SYNE3: variants seen among roughly 807,000 people sequenced by gnomAD.
SYNE3 encodes the protein spectrin repeat containing nuclear envelope family member 3, also known as nesprin-3.
SYNE3 carries 100 observed loss-of-function variants against 111.2 expected under a neutral mutation model. That is an observed-to-expected ratio of 0.90 (90% confidence interval 0.77 to 1.06). SYNE3 has a LOEUF of 1.06. Ranked by LOEUF, SYNE3 falls within the 50% of genes least tolerant of loss-of-function variation. SYNE3 has a pLI of 0.00. For missense variants in SYNE3, 1,160 were observed against 1,240.3 expected (o/e 0.94, Z 0.97); for synonymous variants, 547 against 533.9 (o/e 1.02, Z -0.34).
At chr14:95,432,731 A>C (rs1380973940) in intron 16 of SYNE3, among the ~76,000 whole-genome samples, 1 of 151,682 alleles carries the variant, frequency 6.6e-6, no homozygotes, top group Non-Finnish European at 1.5e-5. Flanking sequence ...TGCTCAACTA[A>C]GACACAGGGC....
At position 95,408,128 on chromosome 14, in the gene SYNE3, C is replaced by T. The variant is rs1272090186; in HGVS notation, c.*9698G>A. 6 of 152,140 alleles carry T rather than the reference C, an allele frequency of 3.9e-5. No homozygotes were observed. The highest frequency in any genetic ancestry group is 1.4e-4 in the African/African-American group (6 of 41,426). The allele number at this position is 152,140 out of a possible 1,614,324, so 9.4% of individuals were successfully genotyped here. On this transcript the variant is annotated 3_prime_UTR_variant, in exon 18 of 18. Transcript: ENST00000682763. Reference sequence around the variant, plus strand: ...AGCAGGCCAAACTCACTCTACCCGACCTGCTGCCTCCAGGATGGGTTCTGA... The same window carrying T: ...AGCAGGCCAAACTCACTCTACCCGATCTGCTGCCTCCAGGATGGGTTCTGA...
At chr14:95,496,025 C>T (rs1890077945) in intron 1 of SYNE3, among the ~76,000 whole-genome samples, 1 of 152,222 alleles carries the variant, frequency 6.6e-6, no homozygotes, top group South Asian at 2.1e-4. Context: ...TCTCCCACCT[C>T]TCATTCCACT....
chr14:95,500,858 A>G lies in SYNE3; in HGVS notation c.-15+15738T>C, dbSNP rs1204530683. On this transcript the variant is annotated intron_variant, in intron 1 of 17. Coordinates refer to ENST00000682763, the MANE Select transcript of SYNE3 (RefSeq NM_152592.6). This position sits in a 1 kb window ranked among gnomAD's most constrained non-coding sequence, Gnocchi z 4.7. ...TCAGCACACGAGCCCCATTCTTTGT[A>G]CTCCCAGTGGGGGATCGGGGGCGGT... Among the ~76,000 whole-genome samples, 1 of 152,004 alleles carries G rather than the reference A, an allele frequency of 6.6e-6. No homozygotes were observed. The highest frequency in any genetic ancestry group is 1.5e-5 in the Non-Finnish European group (1 of 67,996).
At chr14:95,495,789 C>T (rs1055181568) in intron 1 of SYNE3, among the ~76,000 whole-genome samples, 1 of 152,238 alleles carries the variant, frequency 6.6e-6, no homozygotes, top group Non-Finnish European at 1.5e-5. Context: ...CCATCTCACA[C>T]CCAACTGACT....
intron 1 of SYNE3, among the ~76,000 whole-genome samples, chr14:95,506,069 A>T (rs1488207563): frequency 6.6e-6 from 1 of 152,224 alleles, no homozygotes; most frequent in Admixed American, 6.5e-5. Context: ...GAACAAGTTA[A>T]AAAAATTTAA....
intron 5 of SYNE3, chr14:95,455,946 T>C (rs10162444): frequency 0.027 from 13,965 of 516,860 alleles, 1,300 homozygotes; most frequent in African/African-American, 0.21. Context: ...TTTCAAGCCA[T>C]TTGATTAAGT....
At chr14:95,492,957 A>G (rs1282263383) in intron 1 of SYNE3, among the ~76,000 whole-genome samples, 2 of 152,188 alleles carry the variant, frequency 1.3e-5, no homozygotes, top group Non-Finnish European at 2.9e-5. Context: ...TCCCAAAACT[A>G]GGAGGGCCAT....
Position 95,436,897 on chromosome 14 carries a change from T to A in SYNE3, c.2461A>T (p.Asn821Tyr). The A allele has an allele frequency of 6.2e-7, 1 of 1,614,184 alleles. No individual in the cohort carries two copies. The highest frequency in any genetic ancestry group is 8.5e-7 in the Non-Finnish European group (1 of 1,180,030). ...GCGATGATTCTAACCAGCTTGGAGT[T>A]TTCCACCTGCAACCACTGCCCAAAG... ...RNFGQWLQVE[N>Y]SKLVRIIAMR... Residue 821 changes from asparagine (N) to tyrosine (Y), a missense_variant, in exon 15 of 18, where the codon AAC (asparagine) becomes TAC (tyrosine). Transcript: ENST00000682763.
rs1219013643 is a variant in SYNE3 at position 95,416,335 on chromosome 14, A to G, written c.*1491T>C. 6.6e-6 allele frequency: 1 copy of G among 152,148 alleles called. No individual in the cohort carries two copies. Among genetic ancestry groups the G allele is most frequent in the African/African-American group, 2.4e-5 (1 of 41,440 alleles). The allele number at this position is 152,148 out of a possible 1,614,324, so 9.4% of individuals were successfully genotyped here. A position where few individuals can be genotyped will look rare whatever the true frequency, so the allele number is the denominator to read the frequency against. On this transcript the variant is annotated 3_prime_UTR_variant, in exon 18 of 18. Transcript: ENST00000682763. ...TAAAGGGCCTTTCTGGGTCTATAATACCTTATGATTCCAAAGCCGGACAGA... is the reference window on the plus strand; with the variant it reads ...TAAAGGGCCTTTCTGGGTCTATAATGCCTTATGATTCCAAAGCCGGACAGA...
chr14:95,462,276 G>C (rs1887881530), intron 4 of SYNE3, among the ~76,000 whole-genome samples: 1 of 152,152 alleles, frequency 6.6e-6, no homozygotes, highest in African/African-American at 2.4e-5. Context: ...ACACCTCCAG[G>C]GTACACCACA....
intron 6 of SYNE3, among the ~76,000 whole-genome samples, chr14:95,454,664 G>A (rs17092383): frequency 0.13 from 19,987 of 152,260 alleles, 4,228 homozygotes; most frequent in African/African-American, 0.45. Context: ...CGTATGAGCA[G>A]AGATTAGAAG....
At chr14:95,483,425 C>T (rs1411552069) in intron 1 of SYNE3, among the ~76,000 whole-genome samples, 2 of 152,136 alleles carry the variant, frequency 1.3e-5, no homozygotes, top group Non-Finnish European at 2.9e-5. Flanking sequence ...CCACCCTTAT[C>T]CTCTCTTTCC....
chr14:95,452,040 A>G, intron 7 of SYNE3: 2 of 502,614 alleles, frequency 4.0e-6, no homozygotes, highest in Non-Finnish European at 6.6e-6. Context: ...TGCAAAGTTC[A>G]GGCCTCTTTC....
intron 1 of SYNE3, among the ~76,000 whole-genome samples, chr14:95,483,099 C>T (rs1234700905): frequency 6.6e-6 from 1 of 152,182 alleles, no homozygotes; most frequent in Non-Finnish European, 1.5e-5. Context: ...TTCAGGGAAA[C>T]CAACTGAGCC....
Position 95,444,302 on chromosome 14 carries a change from T to C in SYNE3, c.1776+183A>G, listed in dbSNP as rs1372821779. On this transcript the variant is annotated intron_variant, in intron 10 of 17. Coordinates refer to ENST00000682763, the MANE Select transcript of SYNE3 (RefSeq NM_152592.6). Reference sequence around the variant, plus strand: ...GAGCTCAAGACTCAGTTGTTTGAGGTCAGGAACCATCAGATAAATAAGCAG... The same window carrying C: ...GAGCTCAAGACTCAGTTGTTTGAGGCCAGGAACCATCAGATAAATAAGCAG... 3 of 765,180 alleles carry C rather than the reference T, an allele frequency of 3.9e-6. No individual in the cohort carries two copies. The East Asian group carries it at 8.6e-5, about 22-fold the overall frequency. The allele number at this position is 765,180 out of a possible 1,614,324, so 47.4% of individuals were successfully genotyped here.
At chr14:95,491,913 A>T (rs1214639054) in intron 1 of SYNE3, among the ~76,000 whole-genome samples, 1 of 152,252 alleles carries the variant, frequency 6.6e-6, no homozygotes, top group African/African-American at 2.4e-5. Context: ...AATAATAAAC[A>T]GACAACCCAA....
At chr14:95,499,322 A>G (rs1890232275) in intron 1 of SYNE3, among the ~76,000 whole-genome samples, 1 of 152,148 alleles carries the variant, frequency 6.6e-6, no homozygotes, top group African/African-American at 2.4e-5. Flanking sequence ...AGAAAGTCCA[A>G]GAAGTTTAAC....
intron 14 of SYNE3, 86 bp from the exon 15 acceptor site, chr14:95,437,067 G>T: frequency 6.4e-7 from 1 of 1,562,848 alleles, no homozygotes; most frequent in Non-Finnish European, 8.7e-7. Context: ...AGGCAGAGGG[G>T]CAGGGACCAG....
intron 1 of SYNE3, among the ~76,000 whole-genome samples, chr14:95,496,495 T>C (rs1258899711): frequency 6.6e-6 from 1 of 152,228 alleles, no homozygotes; most frequent in East Asian, 1.9e-4. Context: ...CTGGGGATTT[T>C]AACCAGCCTC....
Sources: allele counts gnomAD v4.1 joint callset (sites outside exome capture counted in the v4.1 genomes callset), GRCh38; gene constraint gnomAD v4.1.1; non-coding constraint Gnocchi (gnomAD v3.1); transcripts MANE v1.5; gene names NCBI Gene and HGNC (gene_info 2026-07-23, HGNC 2026-07-21).